Variants in OSBPL5 observed in about 807,000 individuals in gnomAD.
OSBPL5 encodes oxysterol-binding protein-related protein 5.
In OSBPL5, 71 loss-of-function variants were observed where a neutral mutation model predicts 111.2. The ratio of observed to expected loss-of-function variants is 0.64; its 90% CI spans 0.53 to 0.78. OSBPL5 has a LOEUF of 0.78. Ranked by LOEUF, OSBPL5 falls within the 30% of genes least tolerant of loss-of-function variation. The pLI is 0.00. For missense variants in OSBPL5, 1,210 were observed against 1,189.3 expected (o/e 1.02, Z -0.26); for synonymous variants, 549 against 513.9 (o/e 1.07, Z -0.93).
At chr11:3,135,663 G>A (rs554434211) in intron 1 of OSBPL5, among the ~76,000 whole-genome samples, 12 of 152,322 alleles carry the variant, frequency 7.9e-5, no homozygotes, top group Middle Eastern at 3.4e-3. Flanking sequence ...TGATGGTGTC[G>A]TGCAGCTGCT....
In OSBPL5 at chr11:3,142,690, T is replaced by G. The variant is rs1384457076; in HGVS notation, c.-21-13521A>C. On this transcript the variant is annotated intron_variant, in intron 1 of 21. Coordinates refer to ENST00000263650, the MANE Select transcript of OSBPL5 (RefSeq NM_020896.4). The surrounding 1 kb of genome is among the most constrained non-coding windows in gnomAD (Gnocchi z 7.1). Reference sequence around the variant, plus strand: ...GTCTCTCCTCATAGACCCACTCAGGTGGAGACCTGTCCCTCTGTCTCCGTG... The same window carrying G: ...GTCTCTCCTCATAGACCCACTCAGGGGGAGACCTGTCCCTCTGTCTCCGTG... 6.6e-6 allele frequency among the ~76,000 whole-genome samples: 1 copy of G among 151,964 alleles called. No homozygotes were observed. Among genetic ancestry groups the G allele is most frequent in the African/African-American group, 2.4e-5 (1 of 41,366 alleles).
intron 10 of OSBPL5, among the ~76,000 whole-genome samples, chr11:3,103,782 CAGT>C (rs1857565925): frequency 1.7e-5 from 1 of 59,452 alleles, no homozygotes. Context: ...CCAGCCTCTG[CAGT>C]CCCTTCCTGC....
chr11:3,119,032 G>A (rs1463472557), intron 7 of OSBPL5, among the ~76,000 whole-genome samples: 2 of 145,180 alleles, frequency 1.4e-5, no homozygotes, highest in Admixed American at 6.9e-5. Flanking sequence ...TCTTTAAGAC[G>A]GACTTTTGCT....
chr11:3,148,513 C>G (rs1564863046), intron 1 of OSBPL5, among the ~76,000 whole-genome samples: 1 of 152,246 alleles, frequency 6.6e-6, no homozygotes, highest in Non-Finnish European at 1.5e-5. Flanking sequence ...AGTGCGGAGT[C>G]TCTTTCCAGC....
Position 3,142,549 on chromosome 11 carries a change from A to G in OSBPL5, c.-21-13380T>C, listed in dbSNP as rs1237067511. On this transcript the variant is annotated intron_variant, in intron 1 of 21. Coordinates refer to ENST00000263650, the MANE Select transcript of OSBPL5 (RefSeq NM_020896.4). This position sits in a 1 kb window ranked among gnomAD's most constrained non-coding sequence, Gnocchi z 7.1. Reference sequence around the variant, plus strand: ...CCTTTTTACAGATGAGGAAACTGAGAATGAAACAGGAAAATGAAATGAATG... The same window carrying G: ...CCTTTTTACAGATGAGGAAACTGAGGATGAAACAGGAAAATGAAATGAATG... 2.0e-5 allele frequency among the ~76,000 whole-genome samples: 3 copies of G among 152,170 alleles called. No individual in the cohort carries two copies. Among genetic ancestry groups the G allele is most frequent in the Non-Finnish European group, 4.4e-5 (3 of 68,026 alleles).
chr11:3,116,975 A>T (rs1183164766), intron 7 of OSBPL5, among the ~76,000 whole-genome samples: 2 of 152,164 alleles, frequency 1.3e-5, no homozygotes, highest in African/African-American at 4.8e-5. Context: ...AGCTTTTAAC[A>T]ATTGAGTATA....
At chr11:3,143,801 T>C (rs1462369974) in intron 1 of OSBPL5, among the ~76,000 whole-genome samples, 5 of 152,096 alleles carry the variant, frequency 3.3e-5, no homozygotes, top group Admixed American at 2.6e-4. Context: ...CCTGGGCCCT[T>C]GGTTTGCTTT....
Position 3,109,191 on chromosome 11 carries a change from G to A in OSBPL5, c.692-1246C>T, listed in dbSNP as rs1232727185. Among the ~76,000 whole-genome samples, 3 of 152,038 alleles carry A rather than the reference G, an allele frequency of 2.0e-5. No individual in the cohort carries two copies. Among genetic ancestry groups the A allele is most frequent in the Non-Finnish European group, 4.4e-5 (3 of 67,996 alleles). ...CAACCTCTGACTCCAGGGTTCAAGT[G>A]ATTCTCCTGCCTCAACCTCCCAAGT... is the stretch of plus-strand genomic sequence containing the variant. On this transcript the variant is annotated intron_variant, in intron 7 of 21. Coordinates refer to ENST00000263650, the MANE Select transcript of OSBPL5 (RefSeq NM_020896.4). The surrounding 1 kb of genome is among the most constrained non-coding windows in gnomAD (Gnocchi z 7.4).
rs778771566 is a variant in OSBPL5 at position 3,093,716 on chromosome 11, C to T, written c.1809+30G>A. The T allele has an allele frequency of 4.3e-6, 7 of 1,612,552 alleles. No individual in the cohort carries two copies. In the East Asian group the frequency reaches 1.6e-4, roughly 36 times the overall value. ...GGCTGGCCTGGCGTTGACCGCCCGG[C>T]CGTGCCTGCCCTGAGGGACGGCCCC... On this transcript the variant is annotated intron_variant, in intron 16 of 21. Coordinates refer to ENST00000263650, the MANE Select transcript of OSBPL5 (RefSeq NM_020896.4).
intron 7 of OSBPL5, among the ~76,000 whole-genome samples, chr11:3,118,278 GCTCA>G (rs1858280418): frequency 6.6e-6 from 1 of 152,196 alleles, no homozygotes; most frequent in Non-Finnish European, 1.5e-5. Flanking sequence ...TCACCCCTCT[GCTCA>G]CTGAGATAAA....
At chr11:3,115,456 A>C (rs1397469734) in intron 7 of OSBPL5, among the ~76,000 whole-genome samples, 2 of 152,218 alleles carry the variant, frequency 1.3e-5, no homozygotes, top group African/African-American at 4.8e-5. Context: ...CTTCATCTTC[A>C]GGCCCGGTAG....
In OSBPL5 at chr11:3,089,901, G is replaced by T; in HGVS notation, c.2446C>A (p.Gln816Lys). 6.4e-7 allele frequency: 1 copy of T among 1,565,720 alleles called. No individual in the cohort carries two copies. The highest frequency in any genetic ancestry group is 8.7e-7 in the Non-Finnish European group (1 of 1,155,960). The change falls in exon 21 of 22, where the codon CAG (glutamine) becomes AAG (lysine). Residue 816 changes from glutamine to lysine, a missense_variant. Coordinates refer to ENST00000263650, the MANE Select transcript of OSBPL5 (RefSeq NM_020896.4). The part of the protein sequence containing the change: ...PRCRKEARRL[Q>K]ALHEAILSIR... ...GAGAGGATGGCCTCGTGCAGGGCCT[G>T]CAGCCGCCGCGCCTCCTTCCTGCAC...
chr11:3,129,706 C>T (rs947597257), intron 1 of OSBPL5, among the ~76,000 whole-genome samples: 1 of 152,222 alleles, frequency 6.6e-6, no homozygotes, highest in Non-Finnish European at 1.5e-5. Context: ...GAGCGCCTCG[C>T]CTCTGGTTAA....
At chr11:3,115,618 T>C (rs1388245310) in intron 7 of OSBPL5, among the ~76,000 whole-genome samples, 1 of 152,238 alleles carries the variant, frequency 6.6e-6, no homozygotes, top group African/African-American at 2.4e-5. Context: ...CCTCTATAAA[T>C]TAATCATTAA....
Position 3,120,454 on chromosome 11 carries a change from G to A in OSBPL5, c.573C>T (p.Phe191=). The A allele has an allele frequency of 6.2e-7, 1 of 1,613,308 alleles. No individual in the cohort carries two copies. Among genetic ancestry groups the A allele is most frequent in the East Asian group, 2.2e-5 (1 of 44,884 alleles). Residue 191 remains phenylalanine, a synonymous_variant, in exon 6 of 22, where the codon TTC becomes TTT. Coordinates refer to ENST00000263650, the MANE Select transcript of OSBPL5 (RefSeq NM_020896.4). The part of the protein sequence containing the change: ...SKKDGFCFKL[F]HPLDQSVWAV... Reference sequence around the variant, plus strand: ...CCCAGACGGACTGATCCAGCGGGTGGAAGAGCTTGAAGCAGAAGCCGTCCT... The same window carrying A: ...CCCAGACGGACTGATCCAGCGGGTGAAAGAGCTTGAAGCAGAAGCCGTCCT...
Position 3,109,693 on chromosome 11 carries a change from C to A in OSBPL5, c.692-1748G>T. ...CTTGGTTGGTGCCAGAGCGGCCAAG[C>A]CTGGGCGGAACACCAGGGTTGGGGG... On this transcript the variant is annotated intron_variant, in intron 7 of 21. Coordinates refer to ENST00000263650, the MANE Select transcript of OSBPL5 (RefSeq NM_020896.4). This position sits in a 1 kb window ranked among gnomAD's most constrained non-coding sequence, Gnocchi z 7.4. Among the ~76,000 whole-genome samples the A allele has an allele frequency of 6.6e-6, 1 of 151,976 alleles. No homozygotes were observed. Among genetic ancestry groups the A allele is most frequent in the East Asian group, 1.9e-4 (1 of 5,166 alleles).
At chr11:3,151,044 A>T (rs1846567291) in intron 1 of OSBPL5, among the ~76,000 whole-genome samples, 1 of 152,054 alleles carries the variant, frequency 6.6e-6, no homozygotes, top group Non-Finnish European at 1.5e-5. Context: ...TGGGGTCCTC[A>T]TCCAATGCCT....
chr11:3,094,189 T>A (rs375211205), intron 15 of OSBPL5, 48 bp downstream of exon 15: 1 of 1,568,252 alleles, frequency 6.4e-7, no homozygotes, highest in African/African-American at 1.3e-5. Context: ...TCCCCAAGGC[T>A]TCGTTCCTTC....
In OSBPL5 at chr11:3,135,691, G is replaced by T. The variant is rs572569986; in HGVS notation, c.-21-6522C>A. On this transcript the variant is annotated intron_variant, in intron 1 of 21. Coordinates refer to ENST00000263650, the MANE Select transcript of OSBPL5 (RefSeq NM_020896.4). ...CAGCTGCTGCACTCCTGAGACCACAGCTAAGACACCGCCCCGTGGTGGCAG... is the reference window on the plus strand; with the variant it reads ...CAGCTGCTGCACTCCTGAGACCACATCTAAGACACCGCCCCGTGGTGGCAG... Among the ~76,000 whole-genome samples the T allele has an allele frequency of 2.3e-4, 35 of 152,356 alleles. No homozygotes were observed. In the South Asian group the frequency reaches 6.8e-3, roughly 30 times the overall value.
Sources: gnomAD v4.1 joint callset for allele counts (sites outside exome capture counted in the v4.1 genomes callset) on GRCh38, gnomAD v4.1.1 for gene constraint, Gnocchi (gnomAD v3.1) non-coding constraint, MANE v1.5 for transcripts, NCBI Gene and HGNC (gene_info 2026-07-23, HGNC 2026-07-21) for gene names.